The following NCALD variants were observed in gnomAD, a reference collection of about 807,000 sequenced individuals.
NCALD encodes neurocalcin delta, also known as neurocalcin-delta.
In NCALD, 10 loss-of-function variants were observed where a neutral mutation model predicts 18.6. The observed-to-expected ratio is 0.54, with a 90% CI of 0.33 to 0.91. The LOEUF (loss-of-function observed/expected upper bound fraction) is 0.91, where lower values mean the gene tolerates loss of function less well. Among genes scored for constraint, NCALD ranks in the 40% least tolerant of loss-of-function variants. The pLI is 0.03. For missense variants in NCALD, 184 were observed against 247.6 expected (o/e 0.74, Z 1.72); for synonymous variants, 88 against 87.4 (o/e 1.01, Z -0.04).
intron 3 of NCALD, among the ~76,000 whole-genome samples, chr8:101,896,543 C>T (rs1335071620): frequency 6.6e-6 from 1 of 151,790 alleles, no homozygotes; most frequent in Non-Finnish European, 1.5e-5. Flanking sequence ...AGAGCTTCTG[C>T]ACAGCAAAAG....
intron 1 of NCALD, among the ~76,000 whole-genome samples, chr8:102,065,033 A>AAAG (rs1823962249): frequency 1.4e-5 from 2 of 146,006 alleles, no homozygotes; most frequent in Non-Finnish European, 3.0e-5. Flanking sequence ...AAAAAAAAAA[A>AAAG]TCAAGAAACC....
At chr8:101,836,444 A>G (rs902851989) in intron 4 of NCALD, among the ~76,000 whole-genome samples, 1 of 152,216 alleles carries the variant, frequency 6.6e-6, no homozygotes, top group Non-Finnish European at 1.5e-5. Context: ...TGAAATGTGG[A>G]AAATGACCCA....
upstream of NCALD, among the ~76,000 whole-genome samples, chr8:101,793,230 T>G (rs146138164): frequency 3.6e-4 from 55 of 151,898 alleles, 2 homozygotes; most frequent in East Asian, 0.01. Context: ...CATGCCTGTA[T>G]TCCCAGCTAC....
intron 4 of NCALD, among the ~76,000 whole-genome samples, chr8:101,831,319 AG>A (rs922232348): frequency 2.6e-5 from 4 of 152,138 alleles, no homozygotes; most frequent in Non-Finnish European, 5.9e-5. Flanking sequence ...AATCATGAAA[AG>A]CCATGCCAAT....
chr8:101,692,341 C>T, intron 3 of NCALD: 8 of 985,404 alleles, frequency 8.1e-6, no homozygotes, highest in Non-Finnish European at 9.6e-6. Context: ...AGTGCATGCA[C>T]AGGAGACCCC....
intron 2 of NCALD, among the ~76,000 whole-genome samples, chr8:101,984,845 A>C (rs980987133): frequency 3.3e-5 from 5 of 152,150 alleles, no homozygotes; most frequent in Non-Finnish European, 7.4e-5. Context: ...AACTCTACCC[A>C]GGGGGTACCC....
chr8:102,077,407 A>T (rs961874268), intron 1 of NCALD, among the ~76,000 whole-genome samples: 1 of 152,106 alleles, frequency 6.6e-6, no homozygotes, highest in African/African-American at 2.4e-5. Flanking sequence ...AAAAGTAGGA[A>T]GAAATCCTGA....
chr8:101,725,981 A>G (rs900227875), intron 1 of NCALD, among the ~76,000 whole-genome samples: 6 of 152,206 alleles, frequency 3.9e-5, no homozygotes, highest in Non-Finnish European at 7.3e-5. Flanking sequence ...AGAAAGCAAC[A>G]CTGGGAAAAG....
intron 3 of NCALD, among the ~76,000 whole-genome samples, chr8:101,894,949 T>A (rs1427050421): frequency 6.6e-6 from 1 of 150,868 alleles, no homozygotes; most frequent in East Asian, 1.9e-4. Flanking sequence ...GAGGAACTGG[T>A]ACCATTCCTT....
intron 2 of NCALD, chr8:101,986,520 A>T (rs1479456563): frequency 1.3e-5 from 2 of 152,208 alleles, no homozygotes; most frequent in African/African-American, 4.8e-5. Flanking sequence ...AATTTTAAAA[A>T]GGAGAAAATC....
intron 4 of NCALD, among the ~76,000 whole-genome samples, chr8:101,874,498 C>A (rs551495438): frequency 6.6e-6 from 1 of 152,240 alleles, no homozygotes; most frequent in East Asian, 1.9e-4. Flanking sequence ...TCCCAACAAC[C>A]AAAGGCCCCC....
intron 3 of NCALD, among the ~76,000 whole-genome samples, chr8:101,896,360 C>T (rs1175726481): frequency 5.3e-5 from 8 of 151,886 alleles, no homozygotes; most frequent in Non-Finnish European, 8.8e-5. Context: ...ATACAAAAAT[C>T]AATTCAAGAT....
intron 2 of NCALD, among the ~76,000 whole-genome samples, chr8:101,925,456 T>A (rs188150037): frequency 6.6e-6 from 1 of 152,122 alleles, no homozygotes; most frequent in Non-Finnish European, 1.5e-5. Flanking sequence ...TAGACACATA[T>A]AAACATGAAT....
intron 3 of NCALD, chr8:101,691,270 AC>A: frequency 1.0e-6 from 1 of 985,274 alleles, no homozygotes; most frequent in Non-Finnish European, 1.2e-6. Context: ...CCCAACCCTA[AC>A]CTTTGAAAAT....
chr8:101,970,464 AT>A (rs2131892023), intron 2 of NCALD, among the ~76,000 whole-genome samples: 1 of 152,206 alleles, frequency 6.6e-6, no homozygotes, highest in African/African-American at 2.4e-5. Flanking sequence ...AAGAGTCTGA[AT>A]TTTTTGTAGA....
chr8:101,781,009 T>G (rs1240682299), intron 1 of NCALD, among the ~76,000 whole-genome samples: 1 of 152,132 alleles, frequency 6.6e-6, no homozygotes, highest in African/African-American at 2.4e-5. Flanking sequence ...GAGAGTTCTA[T>G]TTCTAAATAG....
chr8:101,782,567 CA>C (rs1208062792), intron 1 of NCALD, among the ~76,000 whole-genome samples: 1 of 152,152 alleles, frequency 6.6e-6, no homozygotes, highest in Admixed American at 6.5e-5. Context: ...ATGGACCCAC[CA>C]TATAGATTAT....
At chr8:102,037,114 C>T (rs1392221646) in intron 1 of NCALD, among the ~76,000 whole-genome samples, 4 of 152,064 alleles carry the variant, frequency 2.6e-5, no homozygotes, top group Non-Finnish European at 4.4e-5. Flanking sequence ...TAGAATTGTA[C>T]GTAACCACTA....
chr8:102,031,997 G>A (rs1391762968), intron 1 of NCALD, among the ~76,000 whole-genome samples: 3 of 152,098 alleles, frequency 2.0e-5, no homozygotes, highest in Non-Finnish European at 4.4e-5. Context: ...TTCTCTCTCT[G>A]AGTAACAGCT....
Sources: gnomAD v4.1 joint callset for allele counts (sites outside exome capture counted in the v4.1 genomes callset) on GRCh38, gnomAD v4.1.1 for gene constraint, MANE v1.5 for transcripts, NCBI Gene and HGNC (gene_info 2026-07-23, HGNC 2026-07-21) for gene names.